The following SEPTIN7 variants were observed in gnomAD, a reference collection of about 807,000 sequenced individuals.
SEPTIN7 encodes the protein septin-7.
A neutral mutation model predicts 63.3 loss-of-function variants in SEPTIN7; 10 were observed. The ratio of observed to expected loss-of-function variants is 0.16; its 90% CI spans 0.10 to 0.27. The LOEUF is 0.27. Ranked by LOEUF, SEPTIN7 falls within the 10% of genes least tolerant of loss-of-function variation. The pLI is 1.00. For synonymous variants in SEPTIN7, 131 were observed against 165.3 expected, an observed-to-expected ratio of 0.79 and a Z score of 1.59; for missense variants, 310 against 521.0, an observed-to-expected ratio of 0.59 and a Z score of 3.94.
At chr7:35,889,316 G>A (rs570053816) in intron 10 of SEPTIN7, among the ~76,000 whole-genome samples, 1 of 152,312 alleles carries the variant, frequency 6.6e-6, no homozygotes, top group East Asian at 1.9e-4. Context: ...ATAAGAGAAC[G>A]TGAATTTATT....
chr7:35,885,363 T>C (rs1583623373), intron 9 of SEPTIN7, among the ~76,000 whole-genome samples: 1 of 152,250 alleles, frequency 6.6e-6, no homozygotes, highest in East Asian at 1.9e-4. Flanking sequence ...TTTACCCCTC[T>C]ACTCCCAAGT....
chr7:35,828,439 G>A (rs183217434), intron 1 of SEPTIN7, among the ~76,000 whole-genome samples: 25 of 152,010 alleles, frequency 1.6e-4, no homozygotes, highest in African/African-American at 4.8e-4. Context: ...GCAGTGGCAC[G>A]ATCTCAGCTC....
chr7:35,801,030 GGGGC>G, upstream of SEPTIN7: 1 of 467,844 alleles, frequency 2.1e-6, no homozygotes, highest in South Asian at 3.8e-5. Flanking sequence ...CTCGTCTGAG[GGGGC>G]GGGGGACGGA....
intron 1 of SEPTIN7, chr7:35,815,111 G>A (rs1451874415): frequency 4.8e-6 from 2 of 413,574 alleles, no homozygotes; most frequent in South Asian, 1.7e-5. Context: ...GGTGGCTCTT[G>A]TTCATCCTTT....
chr7:35,832,944 T>G (rs763078841), intron 3 of SEPTIN7, 44 bp downstream of exon 3: 1 of 1,075,316 alleles, frequency 9.3e-7, no homozygotes, highest in Non-Finnish European at 1.4e-6. Flanking sequence ...GGTTTAAGTT[T>G]TAAACGTTAG....
At chr7:35,834,303 G>A (rs547079386) in intron 3 of SEPTIN7, among the ~76,000 whole-genome samples, 6 of 151,858 alleles carry the variant, frequency 4.0e-5, no homozygotes, top group South Asian at 4.1e-4. Flanking sequence ...TTTGTTTAAA[G>A]AATTACTTTT....
intron 1 of SEPTIN7, chr7:35,802,236 A>T (rs747916206): frequency 2.9e-6 from 1 of 349,432 alleles, no homozygotes; most frequent in African/African-American, 2.2e-5. Flanking sequence ...TTTCATTTAC[A>T]TTTTCCACTC....
At chr7:35,813,043 G>A (rs1361595657) in intron 1 of SEPTIN7, among the ~76,000 whole-genome samples, 11 of 152,160 alleles carry the variant, frequency 7.2e-5, no homozygotes, top group Non-Finnish European at 1.5e-4. Flanking sequence ...ACTATCATCT[G>A]TAGGGCAACC....
intron 4 of SEPTIN7, among the ~76,000 whole-genome samples, chr7:35,870,627 G>T (rs1330390893): frequency 6.6e-6 from 1 of 152,010 alleles, no homozygotes; most frequent in East Asian, 1.9e-4. Flanking sequence ...GATTTGACTG[G>T]GTTGTCCTTT....
intron 3 of SEPTIN7, 84 bp from the exon 4 acceptor site, chr7:35,863,468 C>T (rs1268288318): frequency 9.5e-6 from 7 of 739,754 alleles, no homozygotes; most frequent in Admixed American, 7.8e-5. Flanking sequence ...TTGCATAAGG[C>T]AAGTTTGATT....
chr7:35,866,000 A>G (rs1052521922), intron 4 of SEPTIN7, among the ~76,000 whole-genome samples: 1 of 152,210 alleles, frequency 6.6e-6, no homozygotes, highest in African/African-American at 2.4e-5. Flanking sequence ...ACAAAGGGGT[A>G]ATGGAGGTAA....
At chr7:35,815,993 G>A (rs766903001) in intron 1 of SEPTIN7, among the ~76,000 whole-genome samples, 28 of 152,002 alleles carry the variant, frequency 1.8e-4, no homozygotes, top group African/African-American at 4.1e-4. Context: ...ATTTTTTTGC[G>A]CATATGAGAA....
rs1284268336 is a variant in SEPTIN7 at position 35,903,064 on chromosome 7, G to A, written c.1135-12G>A. ...TAAATAGTTTTGTTTTATATATTGT[G>A]CTATGATTTAGCTCCAGCGGCGCCA... On this transcript the variant is annotated splice_polypyrimidine_tract_variant and intron_variant, in intron 12 of 13. Transcript: ENST00000350320. 3 of 1,535,438 alleles carry A rather than the reference G, an allele frequency of 2.0e-6. No homozygotes were observed. The highest frequency in any genetic ancestry group is 2.3e-5 in the Admixed American group (1 of 43,916).
chr7:35,850,759 T>G (rs1296991268), intron 3 of SEPTIN7, among the ~76,000 whole-genome samples: 2 of 152,162 alleles, frequency 1.3e-5, no homozygotes, highest in Non-Finnish European at 1.5e-5. Flanking sequence ...ATATCTTACC[T>G]CTTGTAGCAT....
chr7:35,833,036 T>A, intron 3 of SEPTIN7, 136 bp downstream of exon 3: 1 of 588,402 alleles, frequency 1.7e-6, no homozygotes, highest in Non-Finnish European at 3.0e-6. Context: ...CTTATGTGCA[T>A]ACATTTTAAA....
rs545406873 is a variant in SEPTIN7, at chr7:35,803,642, A to G, written c.61+2372A>G. ...GTTTCACATTTTGAATTAATAAGCT[A>G]TCTTCAATTTTTGATTATAAGTTGA... is the stretch of plus-strand genomic sequence containing the variant. On this transcript the variant is annotated intron_variant, in intron 1 of 13. Transcript: ENST00000350320. Among the ~76,000 whole-genome samples the G allele has an allele frequency of 3.3e-5, 5 of 152,366 alleles. No homozygotes were observed. In the East Asian group the frequency reaches 5.8e-4, roughly 18 times the overall value.
At chr7:35,871,648 T>C (rs1786157561) in intron 4 of SEPTIN7, among the ~76,000 whole-genome samples, 1 of 152,216 alleles carries the variant, frequency 6.6e-6, no homozygotes, top group African/African-American at 2.4e-5. Flanking sequence ...TCAGGTAGCA[T>C]CTATAAAACA....
At chr7:35,836,294 T>C (rs1249843593) in intron 3 of SEPTIN7, among the ~76,000 whole-genome samples, 1 of 152,168 alleles carries the variant, frequency 6.6e-6, no homozygotes, top group African/African-American at 2.4e-5. Flanking sequence ...ATATCCTGTT[T>C]TTACTAGAAT....
chr7:35,833,026 C>CT (rs749826023), intron 3 of SEPTIN7, 126 bp downstream of exon 3: 58 of 617,140 alleles, frequency 9.4e-5, no homozygotes, highest in Non-Finnish European at 1.5e-4. Context: ...TGTATTTTCT[C>CT]TTATGTGCAT....
Sources: gnomAD v4.1 joint callset for allele counts (sites outside exome capture counted in the v4.1 genomes callset) on GRCh38, gnomAD v4.1.1 for gene constraint, MANE v1.5 for transcripts, NCBI Gene and HGNC (gene_info 2026-07-23, HGNC 2026-07-21) for gene names.